ANKRD13D: variants seen among roughly 807,000 people sequenced by gnomAD.
ANKRD13D encodes the protein ankyrin repeat domain 13D.
Under a neutral mutation model 68.8 loss-of-function variants are expected in ANKRD13D, and 24 were observed. That is an observed-to-expected ratio of 0.35 (90% CI 0.25 to 0.49). ANKRD13D has a LOEUF of 0.49. Ranked by LOEUF, ANKRD13D falls within the 20% of genes least tolerant of loss-of-function variation. ANKRD13D has a pLI of 0.99. For missense variants in ANKRD13D, 735 were observed against 832.1 expected (o/e 0.88, Z 1.44); for synonymous variants, 331 against 336.1 (o/e 0.98, Z 0.16).
rs749187440 is a variant in ANKRD13D, at chr11:67,301,632, C to T, written c.1493C>T (p.Ala498Val). The T allele has an allele frequency of 2.5e-6, 4 of 1,612,426 alleles. No individual in the cohort carries two copies. Among genetic ancestry groups the T allele is most frequent in the Middle Eastern group, 1.7e-4 (1 of 6,058 alleles). ...GCCATCCAGCAGAGCCTGCTTGAAG[C>T]GGGCACTGAGGCGGAGCAGGTGGGA... Reference protein sequence around the residue: ...QFAIQQSLLEAGTEAEQVTVW... With the variant: ...QFAIQQSLLEVGTEAEQVTVW... The change falls in exon 13 of 15, where the codon GCG (alanine) becomes GTG (valine). Residue 498 changes from alanine to valine, a missense_variant. Coordinates refer to ENST00000511455, the MANE Select transcript of ANKRD13D (RefSeq NM_207354.3). This position sits in a 1 kb window ranked among gnomAD's most constrained non-coding sequence, Gnocchi z 4.5.
Position 67,289,466 on chromosome 11 carries a change from C to A in ANKRD13D, c.6C>A (p.Ala2=), listed in dbSNP as rs1378525740. Residue 2 remains alanine (A), a synonymous_variant, in exon 1 of 15, where the codon GCC becomes GCA. Coordinates refer to ENST00000511455, the MANE Select transcript of ANKRD13D (RefSeq NM_207354.3). M[A]GPGPTFPLHR... ...ATGCGGCGCTGAGGCCCAGCATGGC[C>A]GGCCCGGGCCCCACCTTCCCGCTGC... The A allele has an allele frequency of 2.0e-6, 3 of 1,494,228 alleles. No individual in the cohort carries two copies. Among genetic ancestry groups the A allele is most frequent in the African/African-American group, 2.9e-5 (2 of 68,610 alleles). The allele number at this position is 1,494,228 out of a possible 1,614,324, so 92.6% of individuals were successfully genotyped here.
chr11:67,297,627 G>A (rs1350174195), intron 6 of ANKRD13D, among the ~76,000 whole-genome samples: 9 of 151,362 alleles, frequency 5.9e-5, no homozygotes, highest in Non-Finnish European at 1.2e-4. Context: ...CCGGGTTCAC[G>A]CCATTCTCCT....
In ANKRD13D at chr11:67,299,704, C is replaced by A; in HGVS notation, c.880+93C>A. The A allele has an allele frequency of 6.6e-7, 1 of 1,523,800 alleles. No individual in the cohort carries two copies. Among genetic ancestry groups the A allele is most frequent in the Non-Finnish European group, 8.9e-7 (1 of 1,126,886 alleles). The allele number at this position is 1,523,800 out of a possible 1,614,324, so 94.4% of individuals were successfully genotyped here. On this transcript the variant is annotated intron_variant, in intron 8 of 14. Transcript: ENST00000511455. This position sits in a 1 kb window ranked among gnomAD's most constrained non-coding sequence, Gnocchi z 6.2. ...AGGGGCCAGAGTTTCCCAGGATGAG[C>A]TGGGAGGCCTCCCCATTCCCGTCTG...
intron 1 of ANKRD13D, 85 bp downstream of exon 1, chr11:67,289,635 C>CCCG: frequency 1.1e-6 from 1 of 871,020 alleles, no homozygotes; most frequent in Non-Finnish European, 1.6e-6. Flanking sequence ...CCCCCCCCCC[C>CCCG]CCGCCCGCTC....
chr11:67,301,444 C>G lies in ANKRD13D; in HGVS notation c.1349-44C>G. The G allele has an allele frequency of 6.2e-7, 1 of 1,606,974 alleles. No individual in the cohort carries two copies. Among genetic ancestry groups the G allele is most frequent in the African/African-American group, 1.3e-5 (1 of 74,926 alleles). ...GGGAGCCTGCACAGCTTTCTGGTCA[C>G]CAAGCCCCGCGGGTTGAGCGTGGCC... On this transcript the variant is annotated intron_variant, in intron 12 of 14. Transcript: ENST00000511455. This position sits in a 1 kb window ranked among gnomAD's most constrained non-coding sequence, Gnocchi z 4.5.
At chr11:67,292,546 A>T (rs945522561) in intron 6 of ANKRD13D, among the ~76,000 whole-genome samples, 78 of 152,226 alleles carry the variant, frequency 5.1e-4, no homozygotes, top group African/African-American at 1.7e-3. Flanking sequence ...TGGGTAGCCT[A>T]GGAACCTGAC....
At chr11:67,295,089 T>G (rs927095101) in intron 6 of ANKRD13D, among the ~76,000 whole-genome samples, 7 of 152,310 alleles carry the variant, frequency 4.6e-5, no homozygotes, top group African/African-American at 1.7e-4. Context: ...CTTGCTTAAT[T>G]GCTCTGACTA....
intron 6 of ANKRD13D, among the ~76,000 whole-genome samples, chr11:67,294,310 C>T (rs1363191032): frequency 6.6e-6 from 1 of 152,208 alleles, no homozygotes; most frequent in Non-Finnish European, 1.5e-5. Context: ...TCAATTTCTA[C>T]AGTCAGGTGG....
Position 67,301,537 on chromosome 11 carries a change from C to T in ANKRD13D, c.1398C>T (p.Asn466=), listed in dbSNP as rs750976132. ...EVDPTVFEVP[N]GYSVLGMERN... is the part of the protein sequence containing the mutation. ...ACCCCACCGTGTTTGAAGTGCCCAA[C>T]GGGTACAGCGTGCTGGGCATGGAGC... The change falls in exon 13 of 15, where the codon AAC becomes AAT. Residue 466 remains asparagine, a synonymous_variant. Coordinates refer to ENST00000511455, the MANE Select transcript of ANKRD13D (RefSeq NM_207354.3). The surrounding 1 kb of genome is among the most constrained non-coding windows in gnomAD (Gnocchi z 4.5). 1.4e-5 allele frequency: 23 copies of T among 1,612,966 alleles called. No homozygotes were observed. Among genetic ancestry groups the T allele is most frequent in the African/African-American group, 1.1e-4 (8 of 74,952 alleles).
At chr11:67,289,820 G>A (rs1565074329) in intron 1 of ANKRD13D, 1 of 1,424,018 alleles carries the variant, frequency 7.0e-7, no homozygotes. Context: ...CTCTGGTCCT[G>A]GTCCCCAGGT....
chr11:67,292,213 TG>T, intron 6 of ANKRD13D, 33 bp downstream of exon 6: 2 of 1,552,828 alleles, frequency 1.3e-6, no homozygotes, highest in Non-Finnish European at 8.8e-7. Flanking sequence ...GTGGGTGGGA[TG>T]GGGACGGATA....
At chr11:67,294,990 AT>A (rs1250565199) in intron 6 of ANKRD13D, among the ~76,000 whole-genome samples, 1 of 151,818 alleles carries the variant, frequency 6.6e-6, no homozygotes, top group African/African-American at 2.4e-5. Context: ...TTTCCTCAGT[AT>A]TTTTTTTAAC....
chr11:67,299,663 A>G lies in ANKRD13D; in HGVS notation c.880+52A>G, dbSNP rs759505483. 1 of 1,545,246 alleles carries G rather than the reference A, an allele frequency of 6.5e-7. No homozygotes were observed. The highest frequency in any genetic ancestry group is 8.7e-7 in the Non-Finnish European group (1 of 1,143,078). Reference sequence around the variant, plus strand: ...CCCGGTCACACCGTGTGGTGGGGTCACCCTGGCCTGGGATTAGGGGCCAGA... The same window carrying G: ...CCCGGTCACACCGTGTGGTGGGGTCGCCCTGGCCTGGGATTAGGGGCCAGA... On this transcript the variant is annotated intron_variant, in intron 8 of 14. Transcript: ENST00000511455. The surrounding 1 kb of genome is among the most constrained non-coding windows in gnomAD (Gnocchi z 6.2).
At chr11:67,290,623 G>A (rs1279415292) in intron 3 of ANKRD13D, 177 bp downstream of exon 3, 2 of 1,009,144 alleles carry the variant, frequency 2.0e-6, no homozygotes, top group Non-Finnish European at 2.8e-6. Context: ...GAGACGGCCA[G>A]GCTCACGTGG....
At position 67,302,301 on chromosome 11, in the gene ANKRD13D, G is replaced by C. The variant is rs1383544863; in HGVS notation, c.1787G>C (p.Arg596Pro). ...CAGCAGGAGGAGGAGGACTTACAGC[G>C]GATCCTGCAGCTGTCACTCACTGAG... ...RGQQEEEDLQ[R>P]ILQLSLTEH is the part of the protein sequence containing the mutation. The change falls in exon 15 of 15, where the codon CGG (arginine) becomes CCG (proline). Residue 596 changes from arginine (R) to proline (P), a missense_variant. Coordinates refer to ENST00000511455, the MANE Select transcript of ANKRD13D (RefSeq NM_207354.3). The C allele has an allele frequency of 6.4e-7, 1 of 1,551,716 alleles. No homozygotes were observed. The highest frequency in any genetic ancestry group is 1.4e-5 in the African/African-American group (1 of 73,630).
At position 67,291,563 on chromosome 11, in the gene ANKRD13D, C is replaced by A. The variant is rs756919492; in HGVS notation, c.398-40C>A. ...GGGCTCCCAGGGATTTGGGGTGGGG[C>A]CTTTGGAAAGACCCCCAGTGACCCC... is the stretch of plus-strand genomic sequence containing the variant. On this transcript the variant is annotated intron_variant, in intron 4 of 14. Transcript: ENST00000511455. 8 of 1,613,658 alleles carry A rather than the reference C, an allele frequency of 5.0e-6. No individual in the cohort carries two copies. In the East Asian group the frequency reaches 8.9e-5, roughly 18 times the overall value.
At chr11:67,292,646 A>G (rs1274717639) in intron 6 of ANKRD13D, among the ~76,000 whole-genome samples, 1 of 152,154 alleles carries the variant, frequency 6.6e-6, no homozygotes, top group South Asian at 2.1e-4. Flanking sequence ...AAAAACCTTT[A>G]TTGAGATATA....
intron 6 of ANKRD13D, among the ~76,000 whole-genome samples, chr11:67,293,148 T>G (rs1410092062): frequency 6.6e-6 from 1 of 152,204 alleles, no homozygotes; most frequent in African/African-American, 2.4e-5. Context: ...TTAATTTCTC[T>G]TTCATATGTT....
chr11:67,301,431 A>C lies in ANKRD13D; in HGVS notation c.1348+33A>C. 6.2e-7 allele frequency: 1 copy of C among 1,607,238 alleles called. No homozygotes were observed. The highest frequency in any genetic ancestry group is 8.5e-7 in the Non-Finnish European group (1 of 1,176,202). ...AACGGGAGGAAGAGGGAGCCTGCACAGCTTTCTGGTCACCAAGCCCCGCGG... is the reference window on the plus strand; with the variant it reads ...AACGGGAGGAAGAGGGAGCCTGCACCGCTTTCTGGTCACCAAGCCCCGCGG... On this transcript the variant is annotated intron_variant, in intron 12 of 14. Transcript: ENST00000511455. The surrounding 1 kb of genome is among the most constrained non-coding windows in gnomAD (Gnocchi z 4.5).
Sources: allele counts gnomAD v4.1 joint callset (sites outside exome capture counted in the v4.1 genomes callset), GRCh38; gene constraint gnomAD v4.1.1; non-coding constraint Gnocchi (gnomAD v3.1); transcripts MANE v1.5; gene names NCBI Gene and HGNC (gene_info 2026-07-23, HGNC 2026-07-21).